Variants in SPATA31D1 observed in about 807,000 individuals in gnomAD.
SPATA31D1 encodes SPATA31 subfamily D member 1, also known as spermatogenesis-associated protein 31D1.
SPATA31D1 carries 6 observed loss-of-function variants against 13.2 expected under a neutral mutation model. The ratio of observed to expected loss-of-function variants is 0.46; its 90% confidence interval spans 0.25 to 0.90. The LOEUF (loss-of-function observed/expected upper bound fraction) is 0.90. SPATA31D1 is among the 40% of genes least tolerant of loss of function. The probability of loss-of-function intolerance (pLI) is 0.18; values close to 1 mark genes in which losing one functional copy is unlikely to be tolerated. For synonymous variants in SPATA31D1, 903 were observed against 718.8 expected (o/e 1.26, Z -4.10); for missense variants, 2,445 against 1,884.7 (o/e 1.30, Z -5.50).
upstream of SPATA31D1, among the ~76,000 whole-genome samples, chr9:81,987,993 C>A (rs952790103): frequency 1.3e-5 from 2 of 152,180 alleles, no homozygotes; most frequent in Admixed American, 1.3e-4. Context: ...CAGCGTTAAA[C>A]AGAACTGTGC....
chr9:81,993,600 C>T lies in SPATA31D1; in HGVS notation c.3130C>T (p.Pro1044Ser). The change falls in exon 4 of 4, where the codon CCC becomes TCC. Residue 1044 changes from proline to serine, a missense_variant. Pro to Ser is a moderately conservative substitution (Grantham distance 74). Transcript: ENST00000344803. ...SEKLDSTSSF[P>S]ILGHSYLVTS... ...AAAATTAGATTCAACAAGCTCATTC[C>T]CCATCCTCGGTCATTCTTACCTTGT... is the stretch of plus-strand genomic sequence containing the variant. 1 of 1,613,922 alleles carries T rather than the reference C, an allele frequency of 6.2e-7. No homozygotes were observed. Among genetic ancestry groups the T allele is most frequent in the Non-Finnish European group, 8.5e-7 (1 of 1,179,858 alleles).
chr9:81,991,367 A>G lies in SPATA31D1; in HGVS notation c.897A>G (p.Pro299=), dbSNP rs1353157109. 6.2e-7 allele frequency: 1 copy of G among 1,613,970 alleles called. No homozygotes were observed. The highest frequency in any genetic ancestry group is 1.7e-5 in the Admixed American group (1 of 60,020). The part of the protein sequence containing the change: ...IDSCARHHGP[P]IPSALPPEDC... Reference sequence around the variant, plus strand: ...CTTGTGCTCGTCATCACGGACCACCAATCCCATCTGCTTTACCACCGGAAG... The same window carrying G: ...CTTGTGCTCGTCATCACGGACCACCGATCCCATCTGCTTTACCACCGGAAG... The change falls in exon 4 of 4, where the codon CCA becomes CCG. Residue 299 remains proline (P), a synonymous_variant. Coordinates refer to ENST00000344803, the MANE Select transcript of SPATA31D1 (RefSeq NM_001001670.3).
At chr9:81,990,675 C>T (rs1457360212) in intron 3 of SPATA31D1, 98 bp from the exon 4 acceptor site, 1 of 1,467,430 alleles carries the variant, frequency 6.8e-7, no homozygotes, top group African/African-American at 1.4e-5. Flanking sequence ...ACGGTGAGGT[C>T]CTGGGTTGGG....
In SPATA31D1 at chr9:81,992,598, C is replaced by T. The variant is rs756102985; in HGVS notation, c.2128C>T (p.Leu710=). ...WGLPRRIHES[L]SLLRPQSKIS... is the part of the protein sequence containing the mutation. ...CCTGCCCCGCAGAATCCATGAGTCT[C>T]TGTCATTGCTACGTCCTCAGAGCAA... Residue 710 remains leucine, a synonymous_variant, in exon 4 of 4, where the codon CTG becomes TTG. Transcript: ENST00000344803. 5 of 1,612,756 alleles carry T rather than the reference C, an allele frequency of 3.1e-6. No individual in the cohort carries two copies. Among genetic ancestry groups the T allele is most frequent in the Non-Finnish European group, 4.2e-6 (5 of 1,179,736 alleles).
At position 81,992,253 on chromosome 9, in the gene SPATA31D1, C is replaced by T. The variant is rs776364895; in HGVS notation, c.1783C>T (p.Pro595Ser). Reference protein sequence around the residue: ...QSPFRALLPSPLFLIRICGVC... With the variant: ...QSPFRALLPSSLFLIRICGVC... The stretch of plus-strand genomic sequence containing the variant: ...TCCATTCCGAGCCCTACTACCTAGT[C>T]CTCTATTCCTGATTAGGATCTGTGG... Residue 595 changes from proline to serine, a missense_variant, in exon 4 of 4, where the codon CCT (proline) becomes TCT (serine). Transcript: ENST00000344803. 5.0e-6 allele frequency: 8 copies of T among 1,613,768 alleles called. No homozygotes were observed. The highest frequency in any genetic ancestry group is 6.8e-6 in the Non-Finnish European group (8 of 1,179,718).
rs267602287 is a variant in SPATA31D1, at chr9:81,990,832, G to A, written c.362G>A (p.Arg121His). 48 of 1,613,674 alleles carry A rather than the reference G, an allele frequency of 3.0e-5. No individual in the cohort carries two copies. The highest frequency in any genetic ancestry group is 3.3e-4 in the Middle Eastern group (2 of 6,084). ...CAGCATCATGATACCAACCACTTTC[G>A]TCGACTGTTATGCCCAGACCCCGTC... ...RGQHHDTNHF[R>H]RLLCPDPVCR... The change falls in exon 4 of 4, where the codon CGT becomes CAT. Residue 121 changes from arginine (R) to histidine (H), a missense_variant. Arg to His is a conservative substitution (Grantham distance 29, BLOSUM62 0). Coordinates refer to ENST00000344803, the MANE Select transcript of SPATA31D1 (RefSeq NM_001001670.3).
In SPATA31D1 at chr9:81,994,614, T is replaced by C; in HGVS notation, c.4144T>C (p.Ser1382Pro). Residue 1382 changes from serine to proline, a missense_variant, in exon 4 of 4, where the codon TCA becomes CCA. Physicochemically the swap from Ser to Pro is moderately conservative, Grantham distance 74. Transcript: ENST00000344803. ...ESSWEKGSSLSSCVQNIGRVI... is the reference protein window; with the variant it reads ...ESSWEKGSSLPSCVQNIGRVI... ...TTCCTGGGAAAAGGGTAGCTCCCTG[T>C]CATCATGTGTGCAGAATATTGGTCG... is the stretch of plus-strand genomic sequence containing the variant. The C allele has an allele frequency of 6.2e-7, 1 of 1,613,094 alleles. No homozygotes were observed. Among genetic ancestry groups the C allele is most frequent in the Non-Finnish European group, 8.5e-7 (1 of 1,179,478 alleles).
chr9:81,989,129 G>A, intron 1 of SPATA31D1, 125 bp downstream of exon 1: 1 of 1,394,268 alleles, frequency 7.2e-7, no homozygotes, highest in South Asian at 1.5e-5. Context: ...CTGAAGAGAG[G>A]ATAGAACTTC....
rs373714891 is a variant in SPATA31D1, at chr9:81,993,826, A to G, written c.3356A>G (p.Gln1119Arg). The change falls in exon 4 of 4, where the codon CAA (glutamine) becomes CGA (arginine). Residue 1119 changes from glutamine (Q) to arginine (R), a missense_variant. Gln to Arg is a conservative substitution (Grantham distance 43, BLOSUM62 1). Coordinates refer to ENST00000344803, the MANE Select transcript of SPATA31D1 (RefSeq NM_001001670.3). ...TGCAGCGCAGAGCTGCCCATAATGC[A>G]AGCTGGAGCTGGCTGTGAGTCATGG... ...SRCSAELPIM[Q>R]AGAGCESWDK... 9.3e-6 allele frequency: 15 copies of G among 1,613,894 alleles called. No individual in the cohort carries two copies. The African/African-American group carries it at 1.9e-4, about 20-fold the overall frequency.
rs377083125 is a variant in SPATA31D1 at position 81,991,394 on chromosome 9, T to C, written c.924T>C (p.Asp308=). The change falls in exon 4 of 4, where the codon GAT becomes GAC. Residue 308 remains aspartate (D), a synonymous_variant. Transcript: ENST00000344803. Reference sequence around the variant, plus strand: ...TCCCATCTGCTTTACCACCGGAAGATTGCACTGTGACTCAGTCTAAATCAA... The same window carrying C: ...TCCCATCTGCTTTACCACCGGAAGACTGCACTGTGACTCAGTCTAAATCAA... The part of the protein sequence containing the change: ...PPIPSALPPE[D]CTVTQSKSSL... 15 of 1,613,916 alleles carry C rather than the reference T, an allele frequency of 9.3e-6. No homozygotes were observed. The highest frequency in any genetic ancestry group is 8.8e-5 in the South Asian group (8 of 91,082).
At position 81,992,881 on chromosome 9, in the gene SPATA31D1, A is replaced by G. The variant is rs566544985; in HGVS notation, c.2411A>G (p.Asp804Gly). The change falls in exon 4 of 4, where the codon GAC becomes GGC. Residue 804 changes from aspartate to glycine, a missense_variant. By Grantham distance (94) the Asp-to-Gly change is moderately conservative (BLOSUM62 -1). Coordinates refer to ENST00000344803, the MANE Select transcript of SPATA31D1 (RefSeq NM_001001670.3). ...GATCTGAGGTCTAACTCTGAGAGAG[A>G]CCTAGAAACTCATATGATGCATCTG... ...DKDLRSNSERDLETHMMHLSG... is the reference protein window; with the variant it reads ...DKDLRSNSERGLETHMMHLSG... 11 of 1,613,808 alleles carry G rather than the reference A, an allele frequency of 6.8e-6. No homozygotes were observed. In the South Asian group the frequency reaches 1.1e-4, roughly 16 times the overall value.
Position 81,992,391 on chromosome 9 carries a change from T to C in SPATA31D1, c.1921T>C (p.Ser641Pro). 1 of 1,613,768 alleles carries C rather than the reference T, an allele frequency of 6.2e-7. No homozygotes were observed. Among genetic ancestry groups the C allele is most frequent in the Non-Finnish European group, 8.5e-7 (1 of 1,179,736 alleles). Residue 641 changes from serine to proline, a missense_variant, in exon 4 of 4, where the codon TCT (serine) becomes CCT (proline). Coordinates refer to ENST00000344803, the MANE Select transcript of SPATA31D1 (RefSeq NM_001001670.3). Reference protein sequence around the residue: ...KVQESLWGLPSVVQKSQEDFC... With the variant: ...KVQESLWGLPPVVQKSQEDFC... ...GCAGGAAAGTTTGTGGGGCTTACCC[T>C]CTGTGGTTCAAAAATCCCAGGAAGA...
chr9:81,987,966 A>C (rs1425292262), upstream of SPATA31D1, among the ~76,000 whole-genome samples: 4 of 152,210 alleles, frequency 2.6e-5, no homozygotes, highest in South Asian at 2.1e-4. Flanking sequence ...ACAAATGTGC[A>C]CATGGAATAC....
chr9:81,993,263 G>C lies in SPATA31D1; in HGVS notation c.2793G>C (p.Ser931=). 1.9e-6 allele frequency: 3 copies of C among 1,613,910 alleles called. No homozygotes were observed. Among genetic ancestry groups the C allele is most frequent in the South Asian group, 1.1e-5 (1 of 91,072 alleles). Residue 931 remains serine, a synonymous_variant, in exon 4 of 4, where the codon TCG becomes TCC. Transcript: ENST00000344803. ...KVLESIEIFK[S]KADLSTSFSH... is the part of the protein sequence containing the mutation. The stretch of plus-strand genomic sequence containing the variant: ...TTGAATCCATAGAAATCTTCAAATC[G>C]AAAGCGGACCTTTCCACTTCCTTTT...
chr9:81,991,575 T>A lies in SPATA31D1; in HGVS notation c.1105T>A (p.Ser369Thr), dbSNP rs1184152377. The stretch of plus-strand genomic sequence containing the variant: ...GCCTCATGCCAAGGACTCTTTTTCC[T>A]CTAATTTTGTGCCATCTGATTTCAT... Reference protein sequence around the residue: ...WQPHAKDSFSSNFVPSDFMEE... With the variant: ...WQPHAKDSFSTNFVPSDFMEE... The change falls in exon 4 of 4, where the codon TCT (serine) becomes ACT (threonine). Residue 369 changes from serine to threonine, a missense_variant. Transcript: ENST00000344803. 3.7e-6 allele frequency: 6 copies of A among 1,613,914 alleles called. No individual in the cohort carries two copies. In the Admixed American group the frequency reaches 1.0e-4, roughly 27 times the overall value.
rs992271271 is a variant in SPATA31D1 at position 81,992,887 on chromosome 9, A to G, written c.2417A>G (p.Glu806Gly). 1.5e-5 allele frequency: 24 copies of G among 1,613,712 alleles called. No individual in the cohort carries two copies. Among genetic ancestry groups the G allele is most frequent in the Admixed American group, 5.0e-5 (3 of 60,002 alleles). ...AGGTCTAACTCTGAGAGAGACCTAG[A>G]AACTCATATGATGCATCTGTCAGGG... is the stretch of plus-strand genomic sequence containing the variant. The part of the protein sequence containing the change: ...DLRSNSERDL[E>G]THMMHLSGND... The change falls in exon 4 of 4, where the codon GAA becomes GGA. Residue 806 changes from glutamate (E) to glycine (G), a missense_variant. Transcript: ENST00000344803.
At position 81,991,328 on chromosome 9, in the gene SPATA31D1, G is replaced by A. The variant is rs771411463; in HGVS notation, c.858G>A (p.Met286Ile). Residue 286 changes from methionine (M) to isoleucine (I), a missense_variant, in exon 4 of 4, where the codon ATG becomes ATA. Physicochemically the swap from Met to Ile is conservative, Grantham distance 10. Transcript: ENST00000344803. Reference sequence around the variant, plus strand: ...TATGCCAAGATATTTCGCAGGCCATGAATCCCATTGATTCTTGTGCTCGTC... The same window carrying A: ...TATGCCAAGATATTTCGCAGGCCATAAATCCCATTGATTCTTGTGCTCGTC... ...STLCQDISQAMNPIDSCARHH... is the reference protein window; with the variant it reads ...STLCQDISQAINPIDSCARHH... 1.9e-6 allele frequency: 3 copies of A among 1,613,918 alleles called. No individual in the cohort carries two copies. Among genetic ancestry groups the A allele is most frequent in the Non-Finnish European group, 2.5e-6 (3 of 1,179,912 alleles).
rs771946619 is a variant in SPATA31D1 at position 81,994,064 on chromosome 9, A to C, written c.3594A>C (p.Ser1198=). 1.2e-6 allele frequency: 2 copies of C among 1,613,846 alleles called. No homozygotes were observed. Among genetic ancestry groups the C allele is most frequent in the Non-Finnish European group, 8.5e-7 (1 of 1,179,768 alleles). ...CAGTTCCTCAAGATCCTAAATCATC[A>C]TACCTTAAAAATCAGATGTTGAGCC... ...RISVPQDPKS[S]YLKNQMLSQL... is the part of the protein sequence containing the mutation. The change falls in exon 4 of 4, where the codon TCA becomes TCC. Residue 1198 remains serine, a synonymous_variant. Coordinates refer to ENST00000344803, the MANE Select transcript of SPATA31D1 (RefSeq NM_001001670.3).
chr9:81,994,176 GACTT>G lies in SPATA31D1; in HGVS notation c.3710_3713del (p.Leu1237Ter). ...TGCCTTAGATAACTTGAGTTCCAAGGACTTACTGACTAATTCCCAGGGCATCTCG... is the reference window on the plus strand; with the variant it reads ...TGCCTTAGATAACTTGAGTTCCAAGGACTGACTAATTCCCAGGGCATCTCG... On this transcript the variant is annotated frameshift_variant, in exon 4 of 4. Transcript: ENST00000344803. LOFTEE classifies it low-confidence loss of function (END_TRUNC). 1 of 1,614,012 alleles carries G rather than the reference GACTT, an allele frequency of 6.2e-7. No individual in the cohort carries two copies. Among genetic ancestry groups the G allele is most frequent in the Non-Finnish European group, 8.5e-7 (1 of 1,179,886 alleles).
Sources: allele counts gnomAD v4.1 joint callset (sites outside exome capture counted in the v4.1 genomes callset), GRCh38; gene constraint gnomAD v4.1.1; transcripts MANE v1.5; gene names NCBI Gene and HGNC (gene_info 2026-07-23, HGNC 2026-07-21).